SEL1L3: variants seen among roughly 807,000 people sequenced by gnomAD.
The protein encoded by SEL1L3 is protein sel-1 homolog 3.
Under a neutral mutation model 142.8 loss-of-function variants are expected in SEL1L3, and 76 were observed. That is an observed-to-expected ratio of 0.53 (90% CI 0.44 to 0.64). SEL1L3 has a LOEUF of 0.64. Ranked by LOEUF, SEL1L3 falls within the 30% of genes least tolerant of loss-of-function variation. The pLI, the probability that SEL1L3 is intolerant of heterozygous loss-of-function variation, is 0.00. For missense variants in SEL1L3, 1,262 were observed against 1,381.7 expected (o/e 0.91, Z 1.37); for synonymous variants, 504 against 519.6 (o/e 0.97, Z 0.41).
chr4:25,825,666 A>ATTTTTT (rs33997941), intron 6 of SEL1L3, among the ~76,000 whole-genome samples: 4 of 74,026 alleles, frequency 5.4e-5, no homozygotes, highest in Non-Finnish European at 7.6e-5. Flanking sequence ...TCTAAATTCT[A>ATTTTTT]TTTTTTTTTT....
At chr4:25,804,849 T>C in intron 9 of SEL1L3, 97 bp from the exon 10 acceptor site, 1 of 898,420 alleles carries the variant, frequency 1.1e-6, no homozygotes, top group South Asian at 1.4e-5. Flanking sequence ...ACCTGAGTTA[T>C]TGATATGGTC....
intron 9 of SEL1L3, among the ~76,000 whole-genome samples, chr4:25,809,361 T>C (rs1206841008): frequency 6.6e-6 from 1 of 151,318 alleles, no homozygotes; most frequent in Non-Finnish European, 1.5e-5. Flanking sequence ...GCCAGTCTGG[T>C]CTCGAACTCC....
At chr4:25,834,153 T>G (rs1428308128) in intron 3 of SEL1L3, among the ~76,000 whole-genome samples, 4 of 152,242 alleles carry the variant, frequency 2.6e-5, no homozygotes, top group Admixed American at 6.5e-5. Flanking sequence ...ACAATTAATC[T>G]AATTATCCCA....
chr4:25,829,253 G>A (rs908242404), intron 6 of SEL1L3, among the ~76,000 whole-genome samples: 2 of 152,200 alleles, frequency 1.3e-5, no homozygotes, highest in South Asian at 2.1e-4. Context: ...GATTACAGGC[G>A]TGAGCCAACA....
At chr4:25,792,708 A>C (rs1712440575) in intron 11 of SEL1L3, among the ~76,000 whole-genome samples, 1 of 152,222 alleles carries the variant, frequency 6.6e-6, no homozygotes, top group South Asian at 2.1e-4. Flanking sequence ...CCTTTGATGT[A>C]GCAGATGCCA....
intron 20 of SEL1L3, chr4:25,759,740 A>G (rs1718247111): frequency 6.6e-6 from 1 of 152,266 alleles, no homozygotes; most frequent in Non-Finnish European, 1.5e-5. Context: ...GACCAAAGAC[A>G]TGCTTCATAA....
At chr4:25,802,002 T>G (rs767790977) in intron 11 of SEL1L3, among the ~76,000 whole-genome samples, 46 of 152,284 alleles carry the variant, frequency 3.0e-4, no homozygotes, top group South Asian at 6.2e-4. Flanking sequence ...GGTACACACT[T>G]TTTTGCAAAA....
rs1712271854 is a variant in SEL1L3 at position 25,790,735 on chromosome 4, GGAAGGAAGGAA to G, written c.1957-172_1957-162del. The stretch of plus-strand genomic sequence containing the variant: ...AAGAAGGAGAGAGGGAGGGAGGGAA[GGAAGGAAGGAA>G]GGAAGGAAGGAAGAAAGGAAGGGAG... On this transcript the variant is annotated intron_variant, in intron 11 of 23. Coordinates refer to ENST00000399878, the MANE Select transcript of SEL1L3 (RefSeq NM_015187.5). Among the ~76,000 whole-genome samples the G allele has an allele frequency of 5.0e-5, 6 of 120,842 alleles. 2 individuals are homozygous for G. The highest frequency in any genetic ancestry group is 1.8e-5 in the Non-Finnish European group (1 of 56,778). The allele number at this position is 120,842 out of a possible 152,430, so 79.3% of individuals were successfully genotyped here. A position where few individuals can be genotyped will look rare whatever the true frequency, so the allele number is the denominator to read the frequency against.
the SEL1L3 span, among the ~76,000 whole-genome samples, chr4:25,722,516 T>A: frequency 1.3e-5 from 2 of 151,928 alleles, no homozygotes; most frequent in Non-Finnish European, 2.9e-5. Flanking sequence ...CTGCGCAAAG[T>A]CAGACATAAC....
At chr4:25,842,919 G>A (rs578197570) in intron 2 of SEL1L3, among the ~76,000 whole-genome samples, 6 of 152,200 alleles carry the variant, frequency 3.9e-5, no homozygotes, top group Admixed American at 2.6e-4. Context: ...CAGGCAGGGC[G>A]GTGGGGGTGG....
intron 13 of SEL1L3, among the ~76,000 whole-genome samples, chr4:25,784,907 T>C (rs1711682127): frequency 6.6e-6 from 1 of 152,366 alleles, no homozygotes; most frequent in Middle Eastern, 3.4e-3. Flanking sequence ...TTGGGGTTCT[T>C]GTCATAAGAG....
chr4:25,786,524 C>T (rs775950177), intron 13 of SEL1L3, among the ~76,000 whole-genome samples: 25 of 152,278 alleles, frequency 1.6e-4, no homozygotes, highest in East Asian at 9.7e-4. Flanking sequence ...TCTTGGTAGG[C>T]AGAGATAATG....
At chr4:25,737,869 G>A in the SEL1L3 span, among the ~76,000 whole-genome samples, 10 of 149,338 alleles carry the variant, frequency 6.7e-5, no homozygotes, top group South Asian at 6.4e-4. Flanking sequence ...AAATAAGTTC[G>A]TACATGTTTA....
intron 11 of SEL1L3, among the ~76,000 whole-genome samples, chr4:25,800,198 G>C (rs994657975): frequency 3.9e-5 from 6 of 152,162 alleles, no homozygotes; most frequent in Non-Finnish European, 8.8e-5. Context: ...TAGAGGTCTG[G>C]CTTTCTCTGT....
chr4:25,811,845 A>C (rs988704635), intron 9 of SEL1L3, among the ~76,000 whole-genome samples: 1 of 151,916 alleles, frequency 6.6e-6, no homozygotes, highest in East Asian at 1.9e-4. Context: ...ATATTGGAGA[A>C]AGTCTGGTTT....
At chr4:25,728,901 CT>C in the SEL1L3 span, among the ~76,000 whole-genome samples, 2 of 152,000 alleles carry the variant, frequency 1.3e-5, no homozygotes, top group African/African-American at 4.8e-5. Context: ...CCTAAGCCCC[CT>C]GATCAACTGA....
rs74996751 is a variant in SEL1L3, at chr4:25,806,341, GT to G, written c.1565-1590del. On this transcript the variant is annotated intron_variant, in intron 9 of 23. Coordinates refer to ENST00000399878, the MANE Select transcript of SEL1L3 (RefSeq NM_015187.5). ...CTTGAGCCACCGCGCCCGGCAAAATGTTTTTTTTTTTAAAGCTCAGGAGGCA... is the reference window on the plus strand; with the variant it reads ...CTTGAGCCACCGCGCCCGGCAAAATGTTTTTTTTTTAAAGCTCAGGAGGCA... 7.0e-3 allele frequency among the ~76,000 whole-genome samples: 1,010 copies of G among 145,320 alleles called. 11 individuals carry two copies. The highest frequency in any genetic ancestry group is 0.024 in the African/African-American group (935 of 39,762).
intron 16 of SEL1L3, chr4:25,776,580 G>A: frequency 2.0e-6 from 1 of 498,704 alleles, no homozygotes; most frequent in East Asian, 3.4e-5. Flanking sequence ...TGTCTTTTAT[G>A]GAAACAAAGA....
chr4:25,858,249 A>G lies in SEL1L3; in HGVS notation c.162+4426T>C, dbSNP rs1161201658. Reference sequence around the variant, plus strand: ...CAAGAGGCCAACACCATGGCTTGGGAAATTTTAGGAGCTCCAGTCAGGATG... The same window carrying G: ...CAAGAGGCCAACACCATGGCTTGGGGAATTTTAGGAGCTCCAGTCAGGATG... On this transcript the variant is annotated intron_variant, in intron 1 of 23. Coordinates refer to ENST00000399878, the MANE Select transcript of SEL1L3 (RefSeq NM_015187.5). Among the ~76,000 whole-genome samples, 6 of 152,330 alleles carry G rather than the reference A, an allele frequency of 3.9e-5. No individual in the cohort carries two copies. In the South Asian group the frequency reaches 1.0e-3, roughly 26 times the overall value.
Sources: gnomAD v4.1 joint callset for allele counts (sites outside exome capture counted in the v4.1 genomes callset) on GRCh38, gnomAD v4.1.1 for gene constraint, MANE v1.5 for transcripts, NCBI Gene and HGNC (gene_info 2026-07-23, HGNC 2026-07-21) for gene names.